Variants in INSL6 observed in about 807,000 individuals in gnomAD.
INSL6 encodes insulin like 6.
A neutral mutation model predicts 9.4 loss-of-function variants in INSL6; 16 were observed. That is an observed-to-expected ratio of 1.70 (90% CI 1.15 to 2.59). The LOEUF (loss-of-function observed/expected upper bound fraction) is 2.59. Ranked by LOEUF, INSL6 falls within the 30% of genes most tolerant of loss-of-function variation. INSL6 has a pLI of 0.00. For synonymous variants in INSL6, 154 were observed against 96.9 expected (o/e 1.59, Z -3.46); for missense variants, 391 against 257.3 (o/e 1.52, Z -3.56).
chr9:5,075,234 C>G, the INSL6 span, among the ~76,000 whole-genome samples: 1 of 152,058 alleles, frequency 6.6e-6, no homozygotes, highest in East Asian at 1.9e-4. Context: ...GAAGCTACAG[C>G]AAGTTATCCA....
the INSL6 span, chr9:5,111,030 G>C: frequency 1.2e-6 from 1 of 868,782 alleles, no homozygotes. Flanking sequence ...CCGCCTCCCT[G>C]GCCGGGGCGC....
the INSL6 span, among the ~76,000 whole-genome samples, chr9:5,028,449 T>G: frequency 6.6e-6 from 1 of 152,188 alleles, no homozygotes; most frequent in Admixed American, 6.5e-5. Flanking sequence ...GCCATAGATT[T>G]TCAGAATGGT....
At chr9:5,040,914 G>C in the INSL6 span, 2 of 321,880 alleles carry the variant, frequency 6.2e-6, no homozygotes. Context: ...CCACCCAGAC[G>C]CTGCCGGCAG....
At chr9:5,050,865 G>T in the INSL6 span, 1 of 1,549,048 alleles carries the variant, frequency 6.5e-7, no homozygotes, top group Non-Finnish European at 8.9e-7. Context: ...ACACATAAGT[G>T]TGAGTAGAGA....
chr9:5,110,978 G>A, the INSL6 span: 1 of 627,466 alleles, frequency 1.6e-6, no homozygotes, highest in Non-Finnish European at 2.9e-6. Flanking sequence ...CTGGACTTCA[G>A]CATGATGTTC....
chr9:4,994,047 G>A, the INSL6 span, among the ~76,000 whole-genome samples: 2 of 152,186 alleles, frequency 1.3e-5, no homozygotes, highest in Admixed American at 6.5e-5. Flanking sequence ...CTAGCCACTC[G>A]TGACTGAACT....
At chr9:5,066,631 T>C in the INSL6 span, 1 of 1,035,288 alleles carries the variant, frequency 9.7e-7, no homozygotes, top group Non-Finnish European at 1.5e-6. Flanking sequence ...GGTCATAATA[T>C]TATGGTGCTT....
the INSL6 span, among the ~76,000 whole-genome samples, chr9:5,077,751 T>C: frequency 6.6e-6 from 1 of 152,232 alleles, no homozygotes; most frequent in Non-Finnish European, 1.5e-5. Context: ...TTTATGTATG[T>C]AAAATCACTT....
At chr9:5,057,883 T>A in the INSL6 span, among the ~76,000 whole-genome samples, 2 of 152,018 alleles carry the variant, frequency 1.3e-5, no homozygotes, top group African/African-American at 2.4e-5. Flanking sequence ...GCCCAGCCCC[T>A]CTACTTTCTT....
the INSL6 span, among the ~76,000 whole-genome samples, chr9:5,103,221 C>CAAAAAA: frequency 8.7e-4 from 6 of 6,872 alleles, 1 homozygote; most frequent in African/African-American, 3.0e-3. Context: ...AAAGGGAAAG[C>CAAAAAA]AAAAAAAAAA....
intron 2 of INSL6, among the ~76,000 whole-genome samples, chr9:5,144,103 A>G (rs1319828293): frequency 6.6e-6 from 1 of 152,254 alleles, no homozygotes; most frequent in East Asian, 1.9e-4. Flanking sequence ...TAGGTTGTTA[A>G]CTTGAGATCT....
chr9:5,131,019 G>A (rs561377648), intron 3 of INSL6, among the ~76,000 whole-genome samples: 14 of 152,158 alleles, frequency 9.2e-5, no homozygotes, highest in African/African-American at 3.1e-4. Context: ...GTGAGCCACC[G>A]CGCCCAGCCC....
chr9:5,131,312 T>A (rs10815164), intron 3 of INSL6, among the ~76,000 whole-genome samples: 36,909 of 151,916 alleles, frequency 0.24, 4,926 homozygotes, highest in South Asian at 0.3. Flanking sequence ...TATTATTATG[T>A]CCTTAGTAAC....
At chr9:5,090,713 C>T in the INSL6 span, 4 of 1,562,692 alleles carry the variant, frequency 2.6e-6, no homozygotes, top group African/African-American at 5.5e-5. Flanking sequence ...ATAAAACTAG[C>T]TGAAAGAAAA....
intron 1 of INSL6, among the ~76,000 whole-genome samples, chr9:5,177,446 A>C (rs989513644): frequency 6.6e-6 from 1 of 152,184 alleles, no homozygotes; most frequent in African/African-American, 2.4e-5. Context: ...CCATGCCACT[A>C]GGGCCTTGGG....
chr9:5,054,900 A>G, the INSL6 span: 1 of 1,520,284 alleles, frequency 6.6e-7, no homozygotes, highest in Non-Finnish European at 8.9e-7. This position sits in a 1 kb window ranked among gnomAD's most constrained non-coding sequence, Gnocchi z 4.9. Flanking sequence ...CCTTAATGAT[A>G]TGTTCTTGTT....
At chr9:5,076,962 T>C in the INSL6 span, among the ~76,000 whole-genome samples, 3 of 151,946 alleles carry the variant, frequency 2.0e-5, no homozygotes, top group African/African-American at 7.2e-5. Context: ...GTTTTAAAGA[T>C]AAAGCAGCGC....
the INSL6 span, among the ~76,000 whole-genome samples, chr9:5,021,269 T>A: frequency 2.0e-5 from 3 of 152,164 alleles, no homozygotes; most frequent in Admixed American, 1.3e-4. Context: ...GATTATCTAC[T>A]CGCTATTTTG....
the INSL6 span, chr9:5,022,029 A>T: frequency 6.2e-7 from 1 of 1,614,172 alleles, no homozygotes; most frequent in Non-Finnish European, 8.5e-7. Context: ...TGGAGGGAAC[A>T]TCCACCTCTT....
Sources: gnomAD v4.1 joint callset for allele counts (sites outside exome capture counted in the v4.1 genomes callset) on GRCh38, gnomAD v4.1.1 for gene constraint, Gnocchi (gnomAD v3.1) non-coding constraint, MANE v1.5 for transcripts, NCBI Gene and HGNC (gene_info 2026-07-23, HGNC 2026-07-21) for gene names.